Variants in C8orf34 observed in about 807,000 individuals in gnomAD.
C8orf34 encodes the protein uncharacterized protein C8orf34.
C8orf34 carries 65 observed loss-of-function variants against 68.3 expected under a neutral mutation model. That is an observed-to-expected ratio of 0.95 (90% CI 0.78 to 1.17). C8orf34 has a LOEUF of 1.17. Among genes scored for constraint, C8orf34 ranks in the 50% most tolerant of loss-of-function variants. The pLI, the probability that C8orf34 is intolerant of heterozygous loss-of-function variation, is 0.00. For synonymous variants in C8orf34, 244 were observed against 241.2 expected (o/e 1.01, Z -0.11); for missense variants, 664 against 655.4 (o/e 1.01, Z -0.14).
intron 1 of C8orf34, among the ~76,000 whole-genome samples, chr8:68,379,608 T>C (rs1209464955): frequency 6.6e-6 from 1 of 152,216 alleles, no homozygotes; most frequent in Non-Finnish European, 1.5e-5. Context: ...ATTGCTTCCA[T>C]GGCTTTAACT....
intron 3 of C8orf34, among the ~76,000 whole-genome samples, chr8:68,461,155 A>G (rs546776903): frequency 6.6e-6 from 1 of 152,390 alleles, no homozygotes; most frequent in East Asian, 1.9e-4. Flanking sequence ...CAGAAGCCTC[A>G]GGAGCCAATG....
intron 10 of C8orf34, among the ~76,000 whole-genome samples, chr8:68,740,055 G>A (rs114055412): frequency 0.023 from 3,457 of 152,118 alleles, 122 homozygotes; most frequent in African/African-American, 0.078. Context: ...AGCCATATGC[G>A]GAAGATTGAA....
At chr8:68,775,905 C>T (rs181916679) in intron 10 of C8orf34, among the ~76,000 whole-genome samples, 2 of 152,190 alleles carry the variant, frequency 1.3e-5, no homozygotes, top group Non-Finnish European at 2.9e-5. Context: ...AACACAGGAA[C>T]AGAAAACCAA....
intron 10 of C8orf34, among the ~76,000 whole-genome samples, chr8:68,733,837 T>C (rs1822051195): frequency 6.6e-6 from 1 of 152,170 alleles, no homozygotes; most frequent in Non-Finnish European, 1.5e-5. Flanking sequence ...GATTCAGAGA[T>C]AACACAAACT....
At chr8:68,811,179 G>A (rs959289086) in intron 12 of C8orf34, among the ~76,000 whole-genome samples, 4 of 152,222 alleles carry the variant, frequency 2.6e-5, no homozygotes, top group South Asian at 2.1e-4. Context: ...TCTGGAGGGG[G>A]CTGAGGCAGC....
chr8:68,555,326 A>T (rs1213106781), intron 7 of C8orf34, among the ~76,000 whole-genome samples: 1 of 152,166 alleles, frequency 6.6e-6, no homozygotes, highest in Non-Finnish European at 1.5e-5. Flanking sequence ...GAGTAAATAT[A>T]TGTAGAATAG....
intron 8 of C8orf34, among the ~76,000 whole-genome samples, chr8:68,707,234 C>T (rs560941882): frequency 4.9e-4 from 74 of 152,142 alleles, no homozygotes; most frequent in African/African-American, 1.5e-3. Context: ...TGAAGCATTC[C>T]GCAATGGAAT....
chr8:68,466,506 A>T (rs1218550717), intron 3 of C8orf34, among the ~76,000 whole-genome samples: 2 of 124,200 alleles, frequency 1.6e-5, no homozygotes, highest in Non-Finnish European at 3.6e-5. Context: ...TACCTTATAT[A>T]TTTGTAGAAA....
intron 8 of C8orf34, among the ~76,000 whole-genome samples, chr8:68,662,934 A>C (rs1819726211): frequency 6.6e-6 from 1 of 152,192 alleles, no homozygotes; most frequent in Non-Finnish European, 1.5e-5. Context: ...TTTGGCATAG[A>C]GATTATTTTG....
chr8:68,620,831 A>AG (rs1818368635), intron 7 of C8orf34, among the ~76,000 whole-genome samples: 1 of 151,998 alleles, frequency 6.6e-6, no homozygotes, highest in Admixed American at 6.6e-5. Context: ...TTTGAGAGCA[A>AG]GGTCAGATTA....
intron 1 of C8orf34, among the ~76,000 whole-genome samples, chr8:68,392,794 CT>C (rs1353174687): frequency 6.6e-6 from 1 of 152,010 alleles, no homozygotes; most frequent in Non-Finnish European, 1.5e-5. Context: ...CTATTTTCTT[CT>C]TTCATAGGTT....
intron 12 of C8orf34, among the ~76,000 whole-genome samples, chr8:68,794,505 A>ATTT (rs57673879): frequency 4.5e-4 from 28 of 62,236 alleles, no homozygotes; most frequent in African/African-American, 2.8e-3. Flanking sequence ...ATATATATAT[A>ATTT]TTTTTTTTTT....
At chr8:68,646,001 A>C (rs1037503884) in intron 8 of C8orf34, among the ~76,000 whole-genome samples, 10 of 152,168 alleles carry the variant, frequency 6.6e-5, no homozygotes, top group Admixed American at 2.6e-4. Flanking sequence ...TCTCCCTTGA[A>C]GCAAGACACA....
intron 7 of C8orf34, among the ~76,000 whole-genome samples, chr8:68,627,814 G>C (rs570171803): frequency 1.9e-4 from 29 of 152,282 alleles, no homozygotes; most frequent in Non-Finnish European, 3.2e-4. Context: ...ACAAATTCTA[G>C]TCTACTAATT....
At chr8:68,769,605 T>G (rs1300619929) in intron 10 of C8orf34, among the ~76,000 whole-genome samples, 1 of 152,168 alleles carries the variant, frequency 6.6e-6, no homozygotes, top group Non-Finnish European at 1.5e-5. Flanking sequence ...TTATTGCACA[T>G]TCAGCAACAA....
intron 10 of C8orf34, among the ~76,000 whole-genome samples, chr8:68,730,063 T>C (rs557310408): frequency 2.0e-4 from 31 of 152,292 alleles, no homozygotes; most frequent in African/African-American, 6.5e-4. Flanking sequence ...TTTCTTGCAA[T>C]GTCCATCTAT....
At chr8:68,580,092 T>C (rs1245345617) in intron 7 of C8orf34, among the ~76,000 whole-genome samples, 2 of 152,084 alleles carry the variant, frequency 1.3e-5, no homozygotes, top group East Asian at 1.9e-4. Context: ...AGAATAAACA[T>C]AATGAGTAAT....
intron 8 of C8orf34, among the ~76,000 whole-genome samples, chr8:68,653,303 C>T (rs1819415817): frequency 6.6e-6 from 1 of 152,122 alleles, no homozygotes; most frequent in Non-Finnish European, 1.5e-5. Flanking sequence ...CAAGGTTACT[C>T]GTTTCAGAGT....
At chr8:68,527,286 A>C (rs1473764402) in intron 6 of C8orf34, among the ~76,000 whole-genome samples, 2 of 152,182 alleles carry the variant, frequency 1.3e-5, no homozygotes, top group Non-Finnish European at 2.9e-5. Flanking sequence ...ACTATTATTC[A>C]GAAATGAGAG....
Sources: gnomAD v4.1 joint callset for allele counts (sites outside exome capture counted in the v4.1 genomes callset) on GRCh38, gnomAD v4.1.1 for gene constraint, MANE v1.5 for transcripts, NCBI Gene and HGNC (gene_info 2026-07-23, HGNC 2026-07-21) for gene names.